Variants in SORL1 observed in about 807,000 individuals in gnomAD.
SORL1 encodes the protein sortilin related receptor 1.
SORL1 carries 127 observed loss-of-function variants against 273.7 expected under a neutral mutation model. The observed-to-expected ratio is 0.46, with a 90% confidence interval of 0.40 to 0.54. The LOEUF (loss-of-function observed/expected upper bound fraction) is 0.54, where lower values mean the gene tolerates loss of function less well. SORL1 is among the 20% of genes least tolerant of loss of function. The pLI is 0.00. For missense variants in SORL1, 2,494 were observed against 2,846.1 expected, an observed-to-expected ratio of 0.88 and a Z score of 2.81; for synonymous variants, 1,031 against 1,067.4, an observed-to-expected ratio of 0.97 and a Z score of 0.66.
At chr11:121,531,713 C>A (rs986832720) in intron 11 of SORL1, among the ~76,000 whole-genome samples, 1 of 152,202 alleles carries the variant, frequency 6.6e-6, no homozygotes, top group African/African-American at 2.4e-5. Context: ...GTGTCTGTTT[C>A]ATGCACGTAC....
rs1241502114 is a variant in SORL1 at position 121,595,790 on chromosome 11, C to A, written c.4519+18C>A. The A allele has an allele frequency of 9.3e-6, 15 of 1,608,572 alleles. No homozygotes were observed. The highest frequency in any genetic ancestry group is 1.3e-5 in the Non-Finnish European group (15 of 1,179,440). On this transcript the variant is annotated intron_variant, in intron 32 of 47. Transcript: ENST00000260197. This position sits in a 1 kb window ranked among gnomAD's most constrained non-coding sequence, Gnocchi z 5.1. ...CAATTGCCGTGAGTAGTCAGAGAGC[C>A]CTTCACCCCCTGGGCACGTTTCTGC... is the stretch of plus-strand genomic sequence containing the variant.
rs1231584082 is a variant in SORL1, at chr11:121,604,180, C to T, written c.4520-13C>T. ...CCCTCCCCGTGGACTTAAGAAGCCT[C>T]TCTGTGTTTCAGCCACACACAGCAC... On this transcript the variant is annotated splice_polypyrimidine_tract_variant and intron_variant, in intron 32 of 47. Coordinates refer to ENST00000260197, the MANE Select transcript of SORL1 (RefSeq NM_003105.6). 1 of 1,613,768 alleles carries T rather than the reference C, an allele frequency of 6.2e-7. No homozygotes were observed. The highest frequency in any genetic ancestry group is 1.7e-5 in the Admixed American group (1 of 60,026).
At chr11:121,576,935 T>TAA in intron 24 of SORL1, 1 of 1,534,356 alleles carries the variant, frequency 6.5e-7, no homozygotes, top group South Asian at 1.2e-5. Flanking sequence ...CTTCCTGGCC[T>TAA]CCTCTATCAC....
chr11:121,577,381 T>A lies in SORL1; in HGVS notation c.3561T>A (p.Ser1187=). 1.2e-6 allele frequency: 2 copies of A among 1,610,062 alleles called. No homozygotes were observed. Among genetic ancestry groups the A allele is most frequent in the Non-Finnish European group, 1.7e-6 (2 of 1,178,186 alleles). ...GGGACAACGACTGCAGGGACTGGTCTGATGAAGCCAACTGTACCGGTCAGT... is the reference window on the plus strand; with the variant it reads ...GGGACAACGACTGCAGGGACTGGTCAGATGAAGCCAACTGTACCGGTCAGT... ...CDGDNDCRDW[S]DEANCTAIYH... is the part of the protein sequence containing the mutation. Residue 1187 remains serine (S), a synonymous_variant, in exon 25 of 48, where the codon TCT becomes TCA. Coordinates refer to ENST00000260197, the MANE Select transcript of SORL1 (RefSeq NM_003105.6).
chr11:121,521,433 G>C (rs1407568788), intron 9 of SORL1, among the ~76,000 whole-genome samples: 1 of 152,086 alleles, frequency 6.6e-6, no homozygotes, highest in African/African-American at 2.4e-5. Context: ...AGCGTGCTGT[G>C]GGGGTCAGGC....
chr11:121,534,744 T>C (rs924817960), intron 12 of SORL1, among the ~76,000 whole-genome samples: 7 of 152,202 alleles, frequency 4.6e-5, no homozygotes, highest in African/African-American at 1.7e-4. Context: ...CAGACTACAA[T>C]GGTGATTTAC....
rs112947652 is a variant in SORL1, at chr11:121,455,915, C to A, written c.285+3299C>A. On this transcript the variant is annotated intron_variant, in intron 1 of 47. Transcript: ENST00000260197. ...GGCTGAGGCAGGAGAATCGCTTGAA[C>A]CCCGGAGGCGGAGGTTGCAGTGAGC... 2.3e-3 allele frequency among the ~76,000 whole-genome samples: 344 copies of A among 152,116 alleles called. 2 individuals are homozygous for A. The highest frequency in any genetic ancestry group is 8.0e-3 in the African/African-American group (330 of 41,470).
chr11:121,473,179 G>A (rs1440135718), intron 2 of SORL1, among the ~76,000 whole-genome samples: 1 of 152,202 alleles, frequency 6.6e-6, no homozygotes, highest in Non-Finnish European at 1.5e-5. Context: ...TCTCTTTAAA[G>A]AAGACTGAGC....
At position 121,627,759 on chromosome 11, in the gene SORL1, A is replaced by T; in HGVS notation, c.6569A>T (p.Asp2190Val). ...RLGSAIFSSGDDLGEDDEDAP... is the reference protein window; with the variant it reads ...RLGSAIFSSGVDLGEDDEDAP... The stretch of plus-strand genomic sequence containing the variant: ...GGGTCCGCAATCTTCTCCTCTGGGG[A>T]TGACCTGGGTAAGTGGGGCAGGGAG... The change falls in exon 47 of 48, where the codon GAT becomes GTT. Residue 2190 changes from aspartate to valine, a missense_variant. Asp to Val is a radical substitution (Grantham distance 152, BLOSUM62 -3). This residue lies in a region of SORL1 where 1,609 missense variants were observed against 1,816.4 expected (regional missense o/e 0.89). Coordinates refer to ENST00000260197, the MANE Select transcript of SORL1 (RefSeq NM_003105.6). This position sits in a 1 kb window ranked among gnomAD's most constrained non-coding sequence, Gnocchi z 4.9. 6.2e-7 allele frequency: 1 copy of T among 1,612,974 alleles called. No individual in the cohort carries two copies. Among genetic ancestry groups the T allele is most frequent in the South Asian group, 1.1e-5 (1 of 91,036 alleles).
At chr11:121,498,835 C>T (rs912031844) in intron 6 of SORL1, among the ~76,000 whole-genome samples, 2 of 150,546 alleles carry the variant, frequency 1.3e-5, no homozygotes, top group Non-Finnish European at 2.9e-5. Flanking sequence ...AAAATCATGC[C>T]ATTGCACTCC....
At position 121,627,365 on chromosome 11, in the gene SORL1, A is replaced by G. The variant is rs751511486; in HGVS notation, c.6365-190A>G. On this transcript the variant is annotated intron_variant, in intron 46 of 47. Transcript: ENST00000260197. This position sits in a 1 kb window ranked among gnomAD's most constrained non-coding sequence, Gnocchi z 4.9. ...TTTGCATGCACAAGGCCCTTGGTCT[A>G]TCAGCTCATGGCAAGTAGTGGGGAA... The G allele has an allele frequency of 9.9e-6, 6 of 605,164 alleles. No individual in the cohort carries two copies. Among genetic ancestry groups the G allele is most frequent in the Admixed American group, 8.8e-5 (3 of 33,980 alleles). The allele number at this position is 605,164 out of a possible 1,614,324, so 37.5% of individuals were successfully genotyped here. A position where few individuals can be genotyped will look rare whatever the true frequency, so the allele number is the denominator to read the frequency against.
chr11:121,539,220 T>C (rs1862310719), intron 12 of SORL1, among the ~76,000 whole-genome samples: 1 of 152,202 alleles, frequency 6.6e-6, no homozygotes, highest in South Asian at 2.1e-4. Context: ...GAATGTTCTG[T>C]GTCATTGTCC....
chr11:121,627,639 G>T lies in SORL1; in HGVS notation c.6449G>T (p.Ser2150Ile). The T allele has an allele frequency of 6.2e-7, 1 of 1,614,180 alleles. No individual in the cohort carries two copies. ...VVPILFLILLSLGVGFAILYT... is the reference protein window; with the variant it reads ...VVPILFLILLILGVGFAILYT... ...CCCATCTTATTCCTGATACTGCTGA[G>T]CCTGGGGGTGGGGTTTGCCATCCTG... Residue 2150 changes from serine to isoleucine, a missense_variant, in exon 47 of 48, where the codon AGC (serine) becomes ATC (isoleucine). Ser to Ile is a moderately radical substitution (Grantham distance 142, BLOSUM62 -2). Coordinates refer to ENST00000260197, the MANE Select transcript of SORL1 (RefSeq NM_003105.6). The surrounding 1 kb of genome is among the most constrained non-coding windows in gnomAD (Gnocchi z 4.9).
rs370732805 is a variant in SORL1, at chr11:121,490,088, G to A, written c.736G>A (p.Glu246Lys). The A allele has an allele frequency of 3.1e-6, 5 of 1,613,646 alleles. No individual in the cohort carries two copies. The African/African-American group carries it at 6.7e-5, about 22-fold the overall frequency. ...DFGQTWIMIQEHVKSFSWGID... is the reference protein window; with the variant it reads ...DFGQTWIMIQKHVKSFSWGID... Reference sequence around the variant, plus strand: ...TGGCCAGACCTGGATCATGATTCAGGAACATGTCAAGTCCTTTTCTTGGTA... The same window carrying A: ...TGGCCAGACCTGGATCATGATTCAGAAACATGTCAAGTCCTTTTCTTGGTA... The change falls in exon 5 of 48, where the codon GAA becomes AAA. Residue 246 changes from glutamate to lysine, a missense_variant. By Grantham distance (56) the Glu-to-Lys change is moderately conservative. Around this residue, in one of 3 missense-constraint regions of SORL1, gnomAD observed 710 missense variants for 882.5 expected, o/e 0.80. Coordinates refer to ENST00000260197, the MANE Select transcript of SORL1 (RefSeq NM_003105.6).
rs1863852446 is a variant in SORL1 at position 121,630,040 on chromosome 11, T to G, written c.*477T>G. 6.2e-6 allele frequency: 1 copy of G among 162,230 alleles called. No individual in the cohort carries two copies. Among genetic ancestry groups the G allele is most frequent in the Admixed American group, 5.9e-5 (1 of 16,844 alleles). 10.0% of individuals were successfully genotyped at this position (162,230 alleles called of 1,614,324 possible). ...TATGGCGGAAGGTTTCTTTATGTTATTTTGTTAATTTATTGGGACTCTGTG... is the reference window on the plus strand; with the variant it reads ...TATGGCGGAAGGTTTCTTTATGTTAGTTTGTTAATTTATTGGGACTCTGTG... On this transcript the variant is annotated 3_prime_UTR_variant, in exon 48 of 48. Transcript: ENST00000260197.
chr11:121,619,943 C>G (rs755225010), intron 43 of SORL1, 26 bp downstream of exon 43: 1 of 1,536,850 alleles, frequency 6.5e-7, no homozygotes, highest in African/African-American at 1.4e-5. Context: ...TTCCAGGCCT[C>G]TTTGTTTATT....
chr11:121,522,482 T>C, intron 9 of SORL1, 104 bp from the exon 10 acceptor site: 1 of 843,182 alleles, frequency 1.2e-6, no homozygotes, highest in Admixed American at 1.8e-5. Context: ...CCAGGCCTCC[T>C]TGCCCCGTGT....
At chr11:121,580,463 T>G (rs916428126) in intron 25 of SORL1, among the ~76,000 whole-genome samples, 12 of 152,170 alleles carry the variant, frequency 7.9e-5, no homozygotes. Context: ...GTATACGTTT[T>G]GTATCTAGAA....
At chr11:121,498,689 A>C (rs1450859810) in intron 6 of SORL1, among the ~76,000 whole-genome samples, 1 of 152,140 alleles carries the variant, frequency 6.6e-6, no homozygotes, top group Non-Finnish European at 1.5e-5. Flanking sequence ...GAGCCTGGTC[A>C]ACATGGTGAA....
Sources: gnomAD v4.1 joint callset for allele counts (sites outside exome capture counted in the v4.1 genomes callset) on GRCh38, gnomAD v4.1.1 for gene constraint, gnomAD v4.1.1 regional missense constraint, Gnocchi (gnomAD v3.1) non-coding constraint, MANE v1.5 for transcripts, NCBI Gene and HGNC (gene_info 2026-07-23, HGNC 2026-07-21) for gene names.